YAP1: variants seen among roughly 807,000 people sequenced by gnomAD.
YAP1 encodes the protein Yes1 associated transcriptional regulator, also known as transcriptional coactivator YAP1.
Under a neutral mutation model 56.9 loss-of-function variants are expected in YAP1, and 5 were observed. The observed-to-expected ratio is 0.09, with a 90% CI of 0.05 to 0.18. The LOEUF is 0.18. YAP1 is among the 10% of genes least tolerant of loss of function. The pLI, the probability that YAP1 is intolerant of heterozygous loss-of-function variation, is 1.00. For synonymous variants in YAP1, 265 were observed against 248.1 expected (o/e 1.07, Z -0.64); for missense variants, 539 against 651.8 (o/e 0.83, Z 1.88).
chr11:102,149,339 G>A (rs7483889), intron 2 of YAP1, among the ~76,000 whole-genome samples: 76,580 of 151,992 alleles, frequency 0.5, 21,124 homozygotes, highest in South Asian at 0.67. Context: ...CAGGGAGATG[G>A]AATAAGATGG....
chr11:102,230,706 G>A lies in YAP1; in HGVS notation c.*766G>A. The A allele has an allele frequency of 6.6e-6, 1 of 152,408 alleles. No individual in the cohort carries two copies. The highest frequency in any genetic ancestry group is 1.9e-4 in the East Asian group (1 of 5,200). 9.4% of individuals were successfully genotyped at this position (152,408 alleles called of 1,614,324 possible). On this transcript the variant is annotated 3_prime_UTR_variant, in exon 9 of 9. Coordinates refer to ENST00000282441, the MANE Select transcript of YAP1 (RefSeq NM_001130145.3). ...GCAGGGTCGGTGGGGGGGTTGGTTGGTTGGTTGGTTTTGTCGGAACCTAGG... is the reference window on the plus strand; with the variant it reads ...GCAGGGTCGGTGGGGGGGTTGGTTGATTGGTTGGTTTTGTCGGAACCTAGG...
At chr11:102,192,228 T>C (rs1948328457) in intron 4 of YAP1, among the ~76,000 whole-genome samples, 1 of 152,234 alleles carries the variant, frequency 6.6e-6, no homozygotes, top group Non-Finnish European at 1.5e-5. Context: ...AGCAGTGTTC[T>C]CTTCTAACTG....
chr11:102,148,557 A>G (rs1452664954), intron 2 of YAP1, among the ~76,000 whole-genome samples: 1 of 152,184 alleles, frequency 6.6e-6, no homozygotes, highest in Non-Finnish European at 1.5e-5. Context: ...TAAGGATTCC[A>G]TGAGAGTTCA....
At chr11:102,219,073 G>A (rs1949794730) in intron 6 of YAP1, among the ~76,000 whole-genome samples, 1 of 152,146 alleles carries the variant, frequency 6.6e-6, no homozygotes, top group Non-Finnish European at 1.5e-5. Flanking sequence ...TTATATATTT[G>A]TTTTGTGCTA....
At chr11:102,161,210 C>A (rs189915819) in intron 2 of YAP1, among the ~76,000 whole-genome samples, 2 of 151,254 alleles carry the variant, frequency 1.3e-5, no homozygotes, top group South Asian at 2.1e-4. Flanking sequence ...TACAGGCGCC[C>A]GCCACCACGC....
At chr11:102,125,353 C>T (rs1943965950) in intron 2 of YAP1, among the ~76,000 whole-genome samples, 1 of 92,084 alleles carries the variant, frequency 1.1e-5, no homozygotes, top group African/African-American at 3.3e-5. Flanking sequence ...AGCTATTTCT[C>T]ATTCTTTTTT....
chr11:102,201,038 A>G (rs1463880376), intron 4 of YAP1, among the ~76,000 whole-genome samples: 1 of 152,186 alleles, frequency 6.6e-6, no homozygotes, highest in Non-Finnish European at 1.5e-5. Flanking sequence ...AAAATTATTT[A>G]TGCTTTCAAC....
chr11:102,153,968 C>T (rs781145656), intron 2 of YAP1, among the ~76,000 whole-genome samples: 6 of 152,094 alleles, frequency 3.9e-5, no homozygotes, highest in Non-Finnish European at 8.8e-5. Flanking sequence ...GAGGCAGTCT[C>T]TAAGTGATCA....
Position 102,110,956 on chromosome 11 carries a change from G to A in YAP1, c.108G>A (p.Pro36=). 6.6e-7 allele frequency: 1 copy of A among 1,509,468 alleles called. No individual in the cohort carries two copies. Among genetic ancestry groups the A allele is most frequent in the Non-Finnish European group, 8.8e-7 (1 of 1,130,466 alleles). The allele number at this position is 1,509,468 out of a possible 1,614,324, so 93.5% of individuals were successfully genotyped here. The change falls in exon 1 of 9, where the codon CCG becomes CCA. Residue 36 remains proline, a synonymous_variant. Transcript: ENST00000282441. ...GCCCGCCGTCCGGACCCGGGCAACCGGCACCCGCGGCGACCCAGGCGGCGC... is the reference window on the plus strand; with the variant it reads ...GCCCGCCGTCCGGACCCGGGCAACCAGCACCCGCGGCGACCCAGGCGGCGC... The part of the protein sequence containing the change: ...GQGPPSGPGQ[P]APAATQAAPQ...
At chr11:102,128,637 A>C (rs1386150550) in intron 2 of YAP1, among the ~76,000 whole-genome samples, 2 of 152,208 alleles carry the variant, frequency 1.3e-5, no homozygotes, top group Non-Finnish European at 2.9e-5. Flanking sequence ...CAGTTTTGCT[A>C]GCTTACCTTT....
intron 4 of YAP1, among the ~76,000 whole-genome samples, chr11:102,189,456 G>GTAT (rs1948161591): frequency 6.6e-6 from 1 of 152,122 alleles, no homozygotes; most frequent in Non-Finnish European, 1.5e-5. Flanking sequence ...CTGTGTTTTA[G>GTAT]GAAATAAGTG....
intron 6 of YAP1, among the ~76,000 whole-genome samples, chr11:102,212,606 C>T (rs951472832): frequency 4.7e-5 from 7 of 149,758 alleles, no homozygotes; most frequent in South Asian, 2.1e-4. Flanking sequence ...TATTTTGAGA[C>T]GGAGTTTTGC....
chr11:102,206,794 A>G (rs1298431820), intron 5 of YAP1, among the ~76,000 whole-genome samples: 1 of 152,218 alleles, frequency 6.6e-6, no homozygotes, highest in Non-Finnish European at 1.5e-5. Flanking sequence ...GTGAGCCAAG[A>G]TTGTGCCACC....
chr11:102,161,011 C>T (rs145437624), intron 2 of YAP1, among the ~76,000 whole-genome samples: 2 of 151,658 alleles, frequency 1.3e-5, no homozygotes, highest in Non-Finnish European at 2.9e-5. Flanking sequence ...TCTCACTGTC[C>T]CTCTAAAATG....
intron 5 of YAP1, among the ~76,000 whole-genome samples, chr11:102,207,158 A>C (rs1949162701): frequency 6.6e-6 from 1 of 152,188 alleles, no homozygotes; most frequent in Non-Finnish European, 1.5e-5. Flanking sequence ...TTTTTTGAAT[A>C]GATAATAGAA....
intron 2 of YAP1, among the ~76,000 whole-genome samples, chr11:102,156,486 T>G (rs1241594484): frequency 6.6e-6 from 1 of 152,230 alleles, no homozygotes; most frequent in Non-Finnish European, 1.5e-5. Flanking sequence ...CAGGGCTGTT[T>G]TAAAATATTT....
intron 3 of YAP1, among the ~76,000 whole-genome samples, chr11:102,168,043 C>G (rs1946703579): frequency 6.7e-6 from 1 of 149,644 alleles, no homozygotes; most frequent in Admixed American, 6.6e-5. Context: ...GACCCTGTCT[C>G]AAAAAAAAAG....
chr11:102,150,679 A>G (rs933798910), intron 2 of YAP1, among the ~76,000 whole-genome samples: 1 of 152,172 alleles, frequency 6.6e-6, no homozygotes, highest in African/African-American at 2.4e-5. Context: ...TGTTGGCTTA[A>G]TTTATGCTTT....
At chr11:102,111,616 G>A (rs934956294) in intron 1 of YAP1, among the ~76,000 whole-genome samples, 5 of 152,138 alleles carry the variant, frequency 3.3e-5, no homozygotes, top group African/African-American at 1.2e-4. Flanking sequence ...GAAAGGGGGA[G>A]GGGGGCCTCT....
Sources: gnomAD v4.1 joint callset for allele counts (sites outside exome capture counted in the v4.1 genomes callset) on GRCh38, gnomAD v4.1.1 for gene constraint, MANE v1.5 for transcripts, NCBI Gene and HGNC (gene_info 2026-07-23, HGNC 2026-07-21) for gene names.